The following CTTNBP2 variants were observed in gnomAD, a reference collection of about 807,000 sequenced individuals.
CTTNBP2 encodes cortactin-binding protein 2.
Under a neutral mutation model 156.9 loss-of-function variants are expected in CTTNBP2, and 108 were observed. That is an observed-to-expected ratio of 0.69 (90% confidence interval 0.59 to 0.81). The LOEUF (loss-of-function observed/expected upper bound fraction) is 0.81. CTTNBP2 is among the 30% of genes least tolerant of loss of function. The pLI is 0.00. For synonymous variants in CTTNBP2, 767 were observed against 751.8 expected, an observed-to-expected ratio of 1.02 and a Z score of -0.33; for missense variants, 1,924 against 2,035.4, an observed-to-expected ratio of 0.95 and a Z score of 1.05.
intron 10 of CTTNBP2, among the ~76,000 whole-genome samples, chr7:117,759,253 G>T (rs1797058930): frequency 6.6e-6 from 1 of 151,992 alleles, no homozygotes; most frequent in South Asian, 2.1e-4. Flanking sequence ...GACTACAGGT[G>T]CATGTGACCG....
At chr7:117,777,183 T>C (rs112291212) in intron 8 of CTTNBP2, among the ~76,000 whole-genome samples, 3 of 152,326 alleles carry the variant, frequency 2.0e-5, no homozygotes, top group African/African-American at 7.2e-5. Flanking sequence ...ACTAGCAGCA[T>C]GGTGTTGGTA....
At chr7:117,773,231 T>C (rs1306058393) in intron 8 of CTTNBP2, among the ~76,000 whole-genome samples, 1 of 152,194 alleles carries the variant, frequency 6.6e-6, no homozygotes, top group African/African-American at 2.4e-5. Flanking sequence ...TCTTGTTGCA[T>C]CCAATTCCTA....
At chr7:117,873,209 G>A (rs1197267182) in intron 1 of CTTNBP2, 126 bp downstream of exon 1, 4 of 693,338 alleles carry the variant, frequency 5.8e-6, no homozygotes, top group Non-Finnish European at 6.1e-6. Flanking sequence ...CCCGATGAAG[G>A]GGCACCGGAG....
chr7:117,801,397 C>G (rs748099608), intron 3 of CTTNBP2, among the ~76,000 whole-genome samples: 1 of 152,144 alleles, frequency 6.6e-6, no homozygotes, highest in Non-Finnish European at 1.5e-5. Context: ...CCATGCTCTT[C>G]AGAAATATCA....
intron 1 of CTTNBP2, among the ~76,000 whole-genome samples, chr7:117,862,287 CAGCACCAG>C (rs1267647035): frequency 2.7e-5 from 4 of 146,672 alleles, no homozygotes; most frequent in Admixed American, 2.1e-4. Context: ...AGTACAAAGT[CAGCACCAG>C]AGCCCTAGGT....
At chr7:117,768,022 T>C (rs1001376295) in intron 8 of CTTNBP2, among the ~76,000 whole-genome samples, 2 of 151,888 alleles carry the variant, frequency 1.3e-5, no homozygotes, top group African/African-American at 4.8e-5. Flanking sequence ...GAAAAATGAA[T>C]AGACCAGAAA....
At chr7:117,824,112 G>C (rs1052990913) in intron 2 of CTTNBP2, among the ~76,000 whole-genome samples, 2 of 150,938 alleles carry the variant, frequency 1.3e-5, no homozygotes, top group African/African-American at 4.9e-5. Flanking sequence ...AACATCTCCT[G>C]AATTCAAGAG....
In CTTNBP2 at chr7:117,725,276, A is replaced by T; in HGVS notation, c.4056-19T>A. 1 of 1,607,864 alleles carries T rather than the reference A, an allele frequency of 6.2e-7. No individual in the cohort carries two copies. The highest frequency in any genetic ancestry group is 8.5e-7 in the Non-Finnish European group (1 of 1,174,330). On this transcript the variant is annotated intron_variant, in intron 17 of 22. Coordinates refer to ENST00000160373, the MANE Select transcript of CTTNBP2 (RefSeq NM_033427.3). ...CATCCACCTAGCAGGAGAGGGACCG[A>T]TTCATCCCTTAGGAGCAGGCTTCTC...
chr7:117,851,778 G>A lies in CTTNBP2; in HGVS notation c.189+9431C>T, dbSNP rs539654905. ...CACATGGAACCTCTGATGTAGCCAAGCAGACATGATGGAAGGTTGCTTCTC... is the reference window on the plus strand; with the variant it reads ...CACATGGAACCTCTGATGTAGCCAAACAGACATGATGGAAGGTTGCTTCTC... On this transcript the variant is annotated intron_variant, in intron 2 of 22. Coordinates refer to ENST00000160373, the MANE Select transcript of CTTNBP2 (RefSeq NM_033427.3). Among the ~76,000 whole-genome samples, 4 of 152,262 alleles carry A rather than the reference G, an allele frequency of 2.6e-5. No homozygotes were observed. In the East Asian group the frequency reaches 7.7e-4, roughly 29 times the overall value.
At chr7:117,794,039 G>A (rs1050349348) in intron 3 of CTTNBP2, among the ~76,000 whole-genome samples, 35 of 152,290 alleles carry the variant, frequency 2.3e-4, no homozygotes, top group African/African-American at 8.4e-4. Flanking sequence ...ACTGAGGGCA[G>A]GGACTGTGTC....
intron 12 of CTTNBP2, among the ~76,000 whole-genome samples, chr7:117,755,215 T>C (rs769908768): frequency 6.6e-6 from 1 of 152,204 alleles, no homozygotes; most frequent in Non-Finnish European, 1.5e-5. Flanking sequence ...TTCTACACTG[T>C]GAGGCTTTGA....
chr7:117,809,528 A>G (rs750686929), intron 3 of CTTNBP2, among the ~76,000 whole-genome samples: 1 of 152,212 alleles, frequency 6.6e-6, no homozygotes, highest in Non-Finnish European at 1.5e-5. Flanking sequence ...AAACCTCCAC[A>G]TATCTTAGTG....
At chr7:117,790,865 G>GTCTCTCTAAATTAA (rs1798955685) in intron 4 of CTTNBP2, among the ~76,000 whole-genome samples, 1 of 152,104 alleles carries the variant, frequency 6.6e-6, no homozygotes, top group Non-Finnish European at 1.5e-5. Context: ...TGGTCTCCAT[G>GTCTCTCTAAATTAA]TGCTTTAAGC....
At chr7:117,851,087 T>C (rs1055933618) in intron 2 of CTTNBP2, among the ~76,000 whole-genome samples, 1 of 152,110 alleles carries the variant, frequency 6.6e-6, no homozygotes, top group Non-Finnish European at 1.5e-5. Flanking sequence ...GAGCAACTAT[T>C]TGCTGTCACC....
At chr7:117,714,273 G>A (rs1268792978) in intron 22 of CTTNBP2, 1 of 152,196 alleles carries the variant, frequency 6.6e-6, no homozygotes, top group African/African-American at 2.4e-5. Flanking sequence ...CAGGTACCAG[G>A]ATCCAATCTC....
At chr7:117,872,012 A>C in intron 1 of CTTNBP2, 2 of 965,028 alleles carry the variant, frequency 2.1e-6, no homozygotes, top group Non-Finnish European at 2.5e-6. Flanking sequence ...GATTCACATA[A>C]GTGGGCAGGT....
intron 3 of CTTNBP2, among the ~76,000 whole-genome samples, chr7:117,806,148 G>C (rs1300533164): frequency 6.6e-6 from 1 of 152,158 alleles, no homozygotes; most frequent in East Asian, 1.9e-4. Flanking sequence ...AAAAGCAGTG[G>C]ATTGTGTGGA....
intron 2 of CTTNBP2, among the ~76,000 whole-genome samples, chr7:117,826,673 C>G (rs1000015175): frequency 1.3e-5 from 2 of 151,916 alleles, no homozygotes; most frequent in Non-Finnish European, 2.9e-5. Context: ...CTTATCAACA[C>G]TTGTGACATT....
At position 117,784,276 on chromosome 7, in the gene CTTNBP2, A is replaced by G. The variant is rs1340710674; in HGVS notation, c.2247T>C (p.Tyr749=). ...YSCEDGHSAL[Y]SAAKNGHTDC... ...CTGTATGTCCATTCTTAGCAGCAGA[A>G]TACAAGGCAGAATGGCCATCTTCAC... Residue 749 remains tyrosine, a synonymous_variant, in exon 5 of 23, where the codon TAT becomes TAC. Coordinates refer to ENST00000160373, the MANE Select transcript of CTTNBP2 (RefSeq NM_033427.3). 1 of 1,612,788 alleles carries G rather than the reference A, an allele frequency of 6.2e-7. No individual in the cohort carries two copies. The highest frequency in any genetic ancestry group is 2.2e-5 in the East Asian group (1 of 44,816).
Sources: gnomAD v4.1 joint callset for allele counts (sites outside exome capture counted in the v4.1 genomes callset) on GRCh38, gnomAD v4.1.1 for gene constraint, MANE v1.5 for transcripts, NCBI Gene and HGNC (gene_info 2026-07-23, HGNC 2026-07-21) for gene names.